The following DOCK1 variants were observed in gnomAD, a reference collection of about 807,000 sequenced individuals.
DOCK1 encodes the protein dedicator of cytokinesis protein 1.
In DOCK1, 138 loss-of-function variants were observed where a neutral mutation model predicts 262.7. The observed-to-expected ratio is 0.53, with a 90% confidence interval of 0.46 to 0.61. DOCK1 has a LOEUF of 0.61. Among genes scored for constraint, DOCK1 ranks in the 20% least tolerant of loss-of-function variants. The probability of loss-of-function intolerance (pLI) is 0.00; values close to 1 mark genes in which losing one functional copy is unlikely to be tolerated. For synonymous variants in DOCK1, 866 were observed against 867.4 expected (o/e 1.00, Z 0.03); for missense variants, 1,908 against 2,370.7 (o/e 0.80, Z 4.05).
chr10:127,273,746 G>A lies in DOCK1; in HGVS notation c.3044+16317G>A, dbSNP rs956824717. Among the ~76,000 whole-genome samples, 12 of 152,068 alleles carry A rather than the reference G, an allele frequency of 7.9e-5. No homozygotes were observed. The South Asian group carries it at 8.3e-4, about 11-fold the overall frequency. ...AAAGTAAAAAAAGTTAGCCGGGTGC[G>A]ATGGCAGGCACCTGTAGTCCAGCTA... On this transcript the variant is annotated intron_variant, in intron 29 of 51. Transcript: ENST00000623213.
chr10:127,145,118 T>G (rs1049843837), intron 27 of DOCK1, among the ~76,000 whole-genome samples: 2 of 152,162 alleles, frequency 1.3e-5, no homozygotes, highest in African/African-American at 4.8e-5. Context: ...CCATCTTACC[T>G]GTGGCACTCT....
intron 29 of DOCK1, among the ~76,000 whole-genome samples, chr10:127,302,868 C>T (rs955130753): frequency 6.6e-6 from 1 of 151,324 alleles, no homozygotes; most frequent in African/African-American, 2.4e-5. Flanking sequence ...AGCAGACAGC[C>T]CTGTATGCAA....
At chr10:127,416,493 G>A (rs1255736846) in intron 44 of DOCK1, among the ~76,000 whole-genome samples, 2 of 152,174 alleles carry the variant, frequency 1.3e-5, no homozygotes, top group Non-Finnish European at 2.9e-5. Context: ...GTGGAGAGGG[G>A]AGCCCTGACC....
intron 27 of DOCK1, among the ~76,000 whole-genome samples, chr10:127,130,867 C>T (rs532119219): frequency 6.6e-6 from 1 of 152,282 alleles, no homozygotes; most frequent in South Asian, 2.1e-4. Flanking sequence ...TGCTGATGGC[C>T]GTGGTCCACT....
chr10:126,905,662 G>A (rs1207605633), intron 1 of DOCK1, 99 bp downstream of exon 1: 6 of 170,626 alleles, frequency 3.5e-5, no homozygotes, highest in Non-Finnish European at 7.3e-5. Flanking sequence ...AGCGGCCGCC[G>A]GGCCGGGGAG....
At chr10:127,005,653 A>C (rs2040959403) in intron 10 of DOCK1, among the ~76,000 whole-genome samples, 1 of 152,144 alleles carries the variant, frequency 6.6e-6, no homozygotes. Context: ...AAATAATGGA[A>C]ATTTTATGGA....
chr10:127,334,998 C>T (rs2063133354), intron 29 of DOCK1, among the ~76,000 whole-genome samples: 2 of 152,312 alleles, frequency 1.3e-5, no homozygotes, highest in African/African-American at 2.4e-5. Flanking sequence ...CAACCAAATA[C>T]TCTAGCCTCC....
chr10:127,275,790 A>G (rs1310713167), intron 29 of DOCK1, among the ~76,000 whole-genome samples: 1 of 152,138 alleles, frequency 6.6e-6, no homozygotes, highest in East Asian at 1.9e-4. Flanking sequence ...ATGGAAAAAA[A>G]CCCATGTGAC....
intron 27 of DOCK1, among the ~76,000 whole-genome samples, chr10:127,242,616 A>G (rs1290641170): frequency 6.6e-6 from 1 of 152,202 alleles, no homozygotes; most frequent in Non-Finnish European, 1.5e-5. Flanking sequence ...CAAAAGAAAA[A>G]TCATCCAGAA....
chr10:127,299,396 G>A (rs557733445), intron 29 of DOCK1, among the ~76,000 whole-genome samples: 21 of 152,314 alleles, frequency 1.4e-4, no homozygotes, highest in Middle Eastern at 3.4e-3. Context: ...GAGCCGCCGC[G>A]CCCGGCCAAG....
intron 1 of DOCK1, among the ~76,000 whole-genome samples, chr10:126,955,787 C>T (rs918223057): frequency 1.1e-4 from 17 of 152,086 alleles, no homozygotes; most frequent in Non-Finnish European, 2.4e-4. Flanking sequence ...CAGTGGCTCA[C>T]TCTGTGAAGG....
chr10:127,090,620 C>A (rs1455576518), intron 23 of DOCK1, among the ~76,000 whole-genome samples: 1 of 152,130 alleles, frequency 6.6e-6, no homozygotes, highest in East Asian at 1.9e-4. Context: ...TTTCCGTCAC[C>A]CCAGAAGGAA....
chr10:127,145,640 A>T (rs2051740955), intron 27 of DOCK1, among the ~76,000 whole-genome samples: 1 of 152,148 alleles, frequency 6.6e-6, no homozygotes, highest in African/African-American at 2.4e-5. Flanking sequence ...CTCCTTTTGA[A>T]GATGGGAGTG....
intron 23 of DOCK1, among the ~76,000 whole-genome samples, chr10:127,098,058 T>G (rs1457934958): frequency 6.6e-6 from 1 of 152,232 alleles, no homozygotes; most frequent in African/African-American, 2.4e-5. Flanking sequence ...ATTATCCCGC[T>G]CTGCTGCAGG....
intron 25 of DOCK1, among the ~76,000 whole-genome samples, chr10:127,121,430 ATAGGTCATTG>A (rs776908866): frequency 2.5e-3 from 307 of 121,840 alleles, no homozygotes; most frequent in Non-Finnish European, 4.7e-3. Flanking sequence ...ATGCTTTAAG[ATAGGTCATTG>A]TAGGGTATAT....
In DOCK1 at chr10:127,433,341, C is replaced by T. The variant is rs757545054; in HGVS notation, c.4973C>T (p.Thr1658Met). The change falls in exon 48 of 52, where the codon ACG becomes ATG. Residue 1658 changes from threonine to methionine, a missense_variant. By Grantham distance (81) the Thr-to-Met change is moderately conservative. Transcript: ENST00000623213. Reference protein sequence around the residue: ...SRPRSMVRSFTMPSSSRPLSV... With the variant: ...SRPRSMVRSFMMPSSSRPLSV... ...CCCCGGTCCATGGTGCGGTCCTTCA[C>T]GATGCCTTCCTCATCCCGCCCTCTG... is the stretch of plus-strand genomic sequence containing the variant. 2.2e-5 allele frequency: 35 copies of T among 1,613,978 alleles called. No homozygotes were observed. Among genetic ancestry groups the T allele is most frequent in the South Asian group, 1.3e-4 (12 of 91,076 alleles).
At chr10:127,096,222 G>A (rs1198463254) in intron 23 of DOCK1, among the ~76,000 whole-genome samples, 2 of 152,186 alleles carry the variant, frequency 1.3e-5, no homozygotes, top group Admixed American at 1.3e-4. Flanking sequence ...AAAGTGCTGT[G>A]GATTTCCTTT....
Position 126,948,369 on chromosome 10 carries a change from A to G in DOCK1, c.47-22333A>G, listed in dbSNP as rs2035776244. Among the ~76,000 whole-genome samples, 4 of 68,326 alleles carry G rather than the reference A, an allele frequency of 5.9e-5. 1 individual carries two copies. Among genetic ancestry groups the G allele is most frequent in the Non-Finnish European group, 1.2e-4 (4 of 33,742 alleles). 44.8% of individuals were successfully genotyped at this position (68,326 alleles called of 152,430 possible). On this transcript the variant is annotated intron_variant, in intron 1 of 51. Coordinates refer to ENST00000623213, the MANE Select transcript of DOCK1 (RefSeq NM_001290223.2). The stretch of plus-strand genomic sequence containing the variant: ...GGTGGTGATGGTGGTGGTTGGTAGT[A>G]TTACTGTTGGTGGTGATGGTGGTGG...
At chr10:127,256,952 A>G (rs768738900) in intron 28 of DOCK1, among the ~76,000 whole-genome samples, 4 of 152,240 alleles carry the variant, frequency 2.6e-5, no homozygotes, top group Admixed American at 2.0e-4. Context: ...TGTCCTGTTC[A>G]TCATGAAAAA....
Sources: allele counts gnomAD v4.1 joint callset (sites outside exome capture counted in the v4.1 genomes callset), GRCh38; gene constraint gnomAD v4.1.1; transcripts MANE v1.5; gene names NCBI Gene and HGNC (gene_info 2026-07-23, HGNC 2026-07-21).